TMEM132B: variants seen among roughly 807,000 people sequenced by gnomAD.
TMEM132B encodes transmembrane protein 132B.
A neutral mutation model predicts 90.8 loss-of-function variants in TMEM132B; 18 were observed. That is an observed-to-expected ratio of 0.20 (90% CI 0.14 to 0.29). TMEM132B has a LOEUF of 0.29. TMEM132B is among the 10% of genes least tolerant of loss of function. The pLI is 1.00. For missense variants in TMEM132B, 1,096 were observed against 1,326.8 expected, an observed-to-expected ratio of 0.83 and a Z score of 2.70; for synonymous variants, 504 against 523.3, an observed-to-expected ratio of 0.96 and a Z score of 0.50.
At chr12:125,616,296 C>T (rs891540552) in intron 5 of TMEM132B, among the ~76,000 whole-genome samples, 2 of 151,972 alleles carry the variant, frequency 1.3e-5, no homozygotes, top group Admixed American at 6.6e-5. Flanking sequence ...GCATAGTATT[C>T]CATGGTGTAT....
At chr12:125,274,279 C>T (rs914194925) in intron 1 of TMEM132B, among the ~76,000 whole-genome samples, 4 of 152,128 alleles carry the variant, frequency 2.6e-5, no homozygotes, top group East Asian at 1.9e-4. Flanking sequence ...AGGATTTATC[C>T]GTTTTACAGC....
At chr12:125,617,108 G>A (rs1886006502) in intron 5 of TMEM132B, among the ~76,000 whole-genome samples, 1 of 152,150 alleles carries the variant, frequency 6.6e-6, no homozygotes, top group Non-Finnish European at 1.5e-5. Flanking sequence ...TTCTTTTCAT[G>A]TTTGTGATTT....
At chr12:125,556,008 A>G (rs994537448) in intron 4 of TMEM132B, among the ~76,000 whole-genome samples, 7 of 152,234 alleles carry the variant, frequency 4.6e-5, no homozygotes, top group Non-Finnish European at 8.8e-5. Flanking sequence ...GCACATCTGT[A>G]TCTTTGGAGA....
At chr12:125,329,192 GA>G (rs1250751419) in intron 1 of TMEM132B, among the ~76,000 whole-genome samples, 1 of 152,210 alleles carries the variant, frequency 6.6e-6, no homozygotes, top group Non-Finnish European at 1.5e-5. Context: ...GATATGGCAA[GA>G]ATGCATGTCC....
At chr12:125,385,479 G>A (rs961686417) in intron 2 of TMEM132B, among the ~76,000 whole-genome samples, 14 of 152,164 alleles carry the variant, frequency 9.2e-5, no homozygotes, top group Non-Finnish European at 1.3e-4. Context: ...TGTTGGAGGC[G>A]ATCAATGCAC....
At chr12:125,315,552 TTGTA>T (rs1222416725) in intron 1 of TMEM132B, among the ~76,000 whole-genome samples, 2 of 152,228 alleles carry the variant, frequency 1.3e-5, no homozygotes, top group African/African-American at 4.8e-5. Flanking sequence ...CTCTGAATGC[TTGTA>T]TGTATCTTAA....
intron 2 of TMEM132B, among the ~76,000 whole-genome samples, chr12:125,391,524 G>A (rs940092443): frequency 9.2e-5 from 14 of 152,156 alleles, no homozygotes; most frequent in Non-Finnish European, 1.3e-4. Context: ...CTAGCCGCAA[G>A]CCTGGCAGCA....
At chr12:125,478,035 A>G (rs892593410) in intron 3 of TMEM132B, among the ~76,000 whole-genome samples, 3 of 152,208 alleles carry the variant, frequency 2.0e-5, no homozygotes, top group Non-Finnish European at 4.4e-5. Context: ...TGATTGTTAG[A>G]AGGAAAACTA....
At chr12:125,449,626 T>C (rs1401388991) in intron 3 of TMEM132B, among the ~76,000 whole-genome samples, 1 of 152,168 alleles carries the variant, frequency 6.6e-6, no homozygotes, top group East Asian at 1.9e-4. Flanking sequence ...TTTGCTCATC[T>C]TTCTCTAGTA....
Position 125,613,976 on chromosome 12 carries a change from T to G in TMEM132B, c.1437+29982T>G, listed in dbSNP as rs559073645. Among the ~76,000 whole-genome samples the G allele has an allele frequency of 9.2e-4, 140 of 152,276 alleles. 2 individuals carry two copies. In the South Asian group the frequency reaches 0.021, roughly 23 times the overall value. On this transcript the variant is annotated intron_variant, in intron 5 of 8. Coordinates refer to ENST00000682704, the MANE Select transcript of TMEM132B (RefSeq NM_001366854.1). ...CTTTTTGCTGTTATTGTTAAATATA[T>G]TACATTTATTCATGTTATTGGCCCA...
intron 1 of TMEM132B, among the ~76,000 whole-genome samples, chr12:125,289,468 C>G (rs1875471766): frequency 6.6e-6 from 1 of 152,162 alleles, no homozygotes; most frequent in African/African-American, 2.4e-5. Flanking sequence ...GGTTGCATCA[C>G]TCTTAAGTGG....
intron 1 of TMEM132B, among the ~76,000 whole-genome samples, chr12:125,319,762 C>A (rs1282321727): frequency 6.6e-6 from 1 of 152,144 alleles, no homozygotes; most frequent in African/African-American, 2.4e-5. Flanking sequence ...CACCTGTAAT[C>A]CCAGCCCTGT....
intron 4 of TMEM132B, among the ~76,000 whole-genome samples, chr12:125,550,206 C>A (rs1884189336): frequency 6.6e-6 from 1 of 152,232 alleles, no homozygotes; most frequent in Admixed American, 6.5e-5. Context: ...ACCCAGCACA[C>A]TTCCCCACCA....
At chr12:125,254,335 A>C (rs1874382138) in intron 1 of TMEM132B, among the ~76,000 whole-genome samples, 1 of 152,156 alleles carries the variant, frequency 6.6e-6, no homozygotes, top group Non-Finnish European at 1.5e-5. Flanking sequence ...GCAAAACCAA[A>C]AAATTGTAGA....
rs762032967 is a variant in TMEM132B, at chr12:125,238,366, CA to C, written c.67+51510del. 1.2e-4 allele frequency among the ~76,000 whole-genome samples: 13 copies of C among 111,590 alleles called. 1 individual carries two copies. Among genetic ancestry groups the C allele is most frequent in the East Asian group, 4.6e-4 (2 of 4,350 alleles). The allele number at this position is 111,590 out of a possible 152,430, so 73.2% of individuals were successfully genotyped here. ...AGACTCCGTCTCAAAAAAAAAAAAC[CA>C]AAAAAAAAACAAAAAAAAACCAAAA... On this transcript the variant is annotated intron_variant, in intron 1 of 8. Coordinates refer to ENST00000682704, the MANE Select transcript of TMEM132B (RefSeq NM_001366854.1).
chr12:125,501,985 T>G (rs1566055648), intron 3 of TMEM132B, among the ~76,000 whole-genome samples: 1 of 152,214 alleles, frequency 6.6e-6, no homozygotes, highest in Admixed American at 6.5e-5. Flanking sequence ...TATGTGCACG[T>G]GTGTGTGTAT....
chr12:125,396,914 G>A (rs898263193), intron 2 of TMEM132B, among the ~76,000 whole-genome samples: 10 of 152,054 alleles, frequency 6.6e-5, no homozygotes, highest in Non-Finnish European at 1.5e-4. Context: ...ATTCAAGGCA[G>A]ACATACAGCT....
intron 1 of TMEM132B, among the ~76,000 whole-genome samples, chr12:125,194,268 T>TG (rs150191019): frequency 0.2 from 30,471 of 148,704 alleles, 3,788 homozygotes; most frequent in East Asian, 0.4. Context: ...ATTAACCCGT[T>TG]GGTGGGGGGG....
intron 4 of TMEM132B, among the ~76,000 whole-genome samples, chr12:125,560,859 A>AAG (rs1884507749): frequency 6.7e-6 from 1 of 149,580 alleles, no homozygotes; most frequent in South Asian, 2.1e-4. Flanking sequence ...AAAAAAAAAA[A>AAG]AGTCAGGAAA....
Sources: allele counts gnomAD v4.1 joint callset (sites outside exome capture counted in the v4.1 genomes callset), GRCh38; gene constraint gnomAD v4.1.1; transcripts MANE v1.5; gene names NCBI Gene and HGNC (gene_info 2026-07-23, HGNC 2026-07-21).